The following ARSB variants were observed in gnomAD, a reference collection of about 807,000 sequenced individuals.
ARSB encodes the protein N-acetylgalactosamine-4-sulfatase.
ARSB carries 41 observed loss-of-function variants against 50.9 expected under a neutral mutation model. That is an observed-to-expected ratio of 0.81 (90% confidence interval 0.63 to 1.04). The LOEUF (loss-of-function observed/expected upper bound fraction) is 1.04, where lower values mean the gene tolerates loss of function less well. Among genes scored for constraint, ARSB ranks in the 50% least tolerant of loss-of-function variants. The probability of loss-of-function intolerance (pLI) is 0.00; values close to 1 mark genes in which losing one functional copy is unlikely to be tolerated. For synonymous variants in ARSB, 269 were observed against 284.8 expected (o/e 0.94, Z 0.56); for missense variants, 672 against 693.3 (o/e 0.97, Z 0.35).
chr5:78,862,525 T>C (rs1746495585), intron 5 of ARSB, among the ~76,000 whole-genome samples: 1 of 152,266 alleles, frequency 6.6e-6, no homozygotes, highest in South Asian at 2.1e-4. Flanking sequence ...TAATACATGG[T>C]GCTGGGAAAA....
intron 4 of ARSB, among the ~76,000 whole-genome samples, chr5:78,946,666 A>T (rs1443465718): frequency 6.6e-6 from 1 of 152,208 alleles, no homozygotes; most frequent in African/African-American, 2.4e-5. Flanking sequence ...CATGTTCATG[A>T]TTGGAACAAT....
At chr5:78,932,322 T>C (rs556737779) in intron 4 of ARSB, among the ~76,000 whole-genome samples, 1 of 152,356 alleles carries the variant, frequency 6.6e-6, no homozygotes, top group Non-Finnish European at 1.5e-5. Context: ...CTAACCTTTC[T>C]GCATCATTAT....
At chr5:78,899,634 G>T (rs1417378471) in intron 4 of ARSB, among the ~76,000 whole-genome samples, 1 of 152,046 alleles carries the variant, frequency 6.6e-6, no homozygotes, top group African/African-American at 2.4e-5. Flanking sequence ...CTTCAGTTTG[G>T]CAAATGTATT....
At chr5:78,901,613 C>T (rs1748809114) in intron 4 of ARSB, among the ~76,000 whole-genome samples, 1 of 150,812 alleles carries the variant, frequency 6.6e-6, no homozygotes, top group Admixed American at 6.6e-5. Flanking sequence ...ACAAACAAAA[C>T]CTTGACAAAC....
At chr5:78,953,491 C>T (rs1751573108) in intron 4 of ARSB, among the ~76,000 whole-genome samples, 1 of 152,230 alleles carries the variant, frequency 6.6e-6, no homozygotes, top group Non-Finnish European at 1.5e-5. Flanking sequence ...GCGTCCCACA[C>T]ATAGTAACTG....
intron 3 of ARSB, among the ~76,000 whole-genome samples, chr5:78,960,809 C>A (rs560728365): frequency 6.6e-6 from 1 of 152,222 alleles, no homozygotes; most frequent in Non-Finnish European, 1.5e-5. Flanking sequence ...ACAATCCACC[C>A]GCCTCGGCCT....
At chr5:78,825,652 G>T (rs1272790191) in intron 6 of ARSB, among the ~76,000 whole-genome samples, 1 of 152,162 alleles carries the variant, frequency 6.6e-6, no homozygotes, top group Non-Finnish European at 1.5e-5. Flanking sequence ...TCAGTCAAAA[G>T]ATAAGGGAAG....
chr5:78,782,103 A>C lies in ARSB; in HGVS notation c.1214-129T>G, dbSNP rs985765448. On this transcript the variant is annotated intron_variant, in intron 6 of 7. Transcript: ENST00000264914. ...GGAGTGCAAATGTGTATCTTGCCAC[A>C]GAAATGAATCTTTTATTAAATCCAA... 6.0e-6 allele frequency: 7 copies of C among 1,157,160 alleles called. No individual in the cohort carries two copies. The Admixed American group carries it at 1.2e-4, about 19-fold the overall frequency. 71.7% of individuals were successfully genotyped at this position (1,157,160 alleles called of 1,614,324 possible). A position where few individuals can be genotyped will look rare whatever the true frequency, so the allele number is the denominator to read the frequency against.
intron 5 of ARSB, among the ~76,000 whole-genome samples, chr5:78,864,122 C>T (rs2112113139): frequency 6.6e-6 from 1 of 151,880 alleles, no homozygotes; most frequent in East Asian, 1.9e-4. Flanking sequence ...GACTGGTACC[C>T]ACCCAAGGGC....
chr5:78,849,540 G>T (rs1169232049), intron 5 of ARSB, among the ~76,000 whole-genome samples: 6 of 151,242 alleles, frequency 4.0e-5, no homozygotes, highest in African/African-American at 1.5e-4. Flanking sequence ...GATTGACTTG[G>T]CAATGTGGGC....
At chr5:78,829,494 G>A (rs1274278592) in intron 6 of ARSB, among the ~76,000 whole-genome samples, 1 of 152,068 alleles carries the variant, frequency 6.6e-6, no homozygotes, top group Non-Finnish European at 1.5e-5. Flanking sequence ...TTATAACTGT[G>A]TTAATATCCT....
intron 5 of ARSB, among the ~76,000 whole-genome samples, chr5:78,882,598 G>A (rs1487477908): frequency 1.3e-5 from 2 of 152,146 alleles, no homozygotes; most frequent in Non-Finnish European, 1.5e-5. Flanking sequence ...ATATCCATGC[G>A]ATTGAATGTG....
intron 4 of ARSB, among the ~76,000 whole-genome samples, chr5:78,938,473 T>C (rs1232720623): frequency 6.6e-6 from 1 of 152,180 alleles, no homozygotes; most frequent in Non-Finnish European, 1.5e-5. Flanking sequence ...AAATGCATAA[T>C]TGCAAAGAGT....
chr5:78,780,732 T>C (rs1311035880), intron 7 of ARSB, 70 bp from the exon 8 acceptor site: 5 of 1,583,962 alleles, frequency 3.2e-6, no homozygotes, highest in Non-Finnish European at 2.6e-6. Flanking sequence ...AGGGAAGGAG[T>C]CTGAGGCCAA....
intron 5 of ARSB, among the ~76,000 whole-genome samples, chr5:78,850,928 C>G (rs373446194): frequency 6.6e-6 from 1 of 152,028 alleles, no homozygotes; most frequent in Non-Finnish European, 1.5e-5. Flanking sequence ...TTTTTTATTG[C>G]GTCTATTTGA....
chr5:78,964,150 T>C (rs927658636), intron 3 of ARSB, among the ~76,000 whole-genome samples: 11 of 152,194 alleles, frequency 7.2e-5, no homozygotes, highest in African/African-American at 2.7e-4. Flanking sequence ...GGACCACTCT[T>C]AAGAATCACC....
intron 6 of ARSB, among the ~76,000 whole-genome samples, chr5:78,795,391 A>C (rs537364495): frequency 6.6e-6 from 1 of 152,262 alleles, no homozygotes; most frequent in South Asian, 2.1e-4. Context: ...CCTGGGAGCC[A>C]CACCAGCTTT....
intron 4 of ARSB, among the ~76,000 whole-genome samples, chr5:78,888,599 T>A (rs973813657): frequency 1.3e-5 from 2 of 152,224 alleles, no homozygotes; most frequent in African/African-American, 2.4e-5. Flanking sequence ...GTTGCACATA[T>A]TTGTTAGTGC....
intron 4 of ARSB, among the ~76,000 whole-genome samples, chr5:78,934,349 T>A (rs1461681478): frequency 2.6e-5 from 4 of 152,204 alleles, no homozygotes; most frequent in African/African-American, 9.6e-5. Flanking sequence ...ACCTCCTATG[T>A]CCTTTACTAT....
Sources: allele counts gnomAD v4.1 joint callset (sites outside exome capture counted in the v4.1 genomes callset), GRCh38; gene constraint gnomAD v4.1.1; transcripts MANE v1.5; gene names NCBI Gene and HGNC (gene_info 2026-07-23, HGNC 2026-07-21).